Variants in AQR observed in about 807,000 individuals in gnomAD.
AQR encodes the protein aquarius intron-binding spliceosomal factor.
A neutral mutation model predicts 180.5 loss-of-function variants in AQR; 61 were observed. The ratio of observed to expected loss-of-function variants is 0.34; its 90% confidence interval spans 0.28 to 0.42. The LOEUF (loss-of-function observed/expected upper bound fraction) is 0.42. Ranked by LOEUF, AQR falls within the 10% of genes least tolerant of loss-of-function variation. The pLI is 1.00. For missense variants in AQR, 1,281 were observed against 1,798.3 expected (o/e 0.71, Z 5.20); for synonymous variants, 551 against 588.8 (o/e 0.94, Z 0.93).
intron 34 of AQR, among the ~76,000 whole-genome samples, chr15:34,858,491 G>A (rs917519621): frequency 2.6e-5 from 4 of 152,100 alleles, no homozygotes; most frequent in Non-Finnish European, 5.9e-5. Context: ...AATATGTGAA[G>A]ATGTTAATCT....
chr15:34,961,018 C>G (rs900067335), intron 2 of AQR, among the ~76,000 whole-genome samples: 1 of 151,836 alleles, frequency 6.6e-6, no homozygotes, highest in African/African-American at 2.4e-5. Context: ...GTAGAAAAAA[C>G]AAATAATAAA....
intron 17 of AQR, among the ~76,000 whole-genome samples, chr15:34,908,559 T>C (rs1168434234): frequency 6.6e-6 from 1 of 152,202 alleles, no homozygotes; most frequent in Non-Finnish European, 1.5e-5. Context: ...TAAAACACTT[T>C]TCTCTCCATC....
intron 5 of AQR, among the ~76,000 whole-genome samples, chr15:34,944,921 CCA>C (rs1894086709): frequency 6.6e-6 from 1 of 152,160 alleles, no homozygotes; most frequent in Non-Finnish European, 1.5e-5. Flanking sequence ...CTAGTTACTG[CCA>C]CAGACAAATG....
At chr15:34,886,331 CAA>C (rs952106905) in intron 25 of AQR, among the ~76,000 whole-genome samples, 193 bp downstream of exon 25, 4 of 152,082 alleles carry the variant, frequency 2.6e-5, no homozygotes, top group African/African-American at 7.2e-5. Context: ...AGTCATCAAG[CAA>C]AGTTATTTAG....
intron 13 of AQR, among the ~76,000 whole-genome samples, chr15:34,924,328 A>G (rs1370159179): frequency 6.6e-6 from 1 of 152,192 alleles, no homozygotes; most frequent in East Asian, 1.9e-4. Context: ...AGTCACAAAA[A>G]TGTAAAACAA....
intron 30 of AQR, 124 bp downstream of exon 30, chr15:34,873,704 C>G: frequency 1.4e-6 from 1 of 706,890 alleles, no homozygotes; most frequent in Non-Finnish European, 2.2e-6. Context: ...TTTTCATATG[C>G]TATGTGTAAG....
Position 34,855,621 on chromosome 15 carries a change from T to C in AQR, c.*1171A>G, listed in dbSNP as rs1892577834. 6.6e-6 allele frequency: 1 copy of C among 151,852 alleles called. No individual in the cohort carries two copies. The highest frequency in any genetic ancestry group is 1.5e-5 in the Non-Finnish European group (1 of 67,970). The allele number at this position is 151,852 out of a possible 1,614,324, so 9.4% of individuals were successfully genotyped here. A position where few individuals can be genotyped will look rare whatever the true frequency, so the allele number is the denominator to read the frequency against. ...GTCAGAAAACATTAGTCACATTCAC[T>C]GGTAATTCTACATTATAGCCTCATT... On this transcript the variant is annotated 3_prime_UTR_variant, in exon 35 of 35. Coordinates refer to ENST00000156471, the MANE Select transcript of AQR (RefSeq NM_014691.3).
At chr15:34,966,693 C>T (rs981489454) in intron 1 of AQR, among the ~76,000 whole-genome samples, 1 of 152,118 alleles carries the variant, frequency 6.6e-6, no homozygotes, top group African/African-American at 2.4e-5. Flanking sequence ...CAAATGGATA[C>T]ATAAGTGAAT....
intron 7 of AQR, 61 bp from the exon 8 acceptor site, chr15:34,941,060 A>G (rs540245424): frequency 1.7e-6 from 2 of 1,174,452 alleles, no homozygotes; most frequent in East Asian, 4.8e-5. Context: ...GATAAGGATT[A>G]GATCAACTAT....
intron 14 of AQR, among the ~76,000 whole-genome samples, chr15:34,919,090 T>C (rs1893642496): frequency 6.6e-6 from 1 of 151,806 alleles, no homozygotes; most frequent in Non-Finnish European, 1.5e-5. Flanking sequence ...AATACAAAAA[T>C]TAGCTGGGCG....
chr15:34,947,459 G>C (rs1359610124), intron 5 of AQR, among the ~76,000 whole-genome samples: 2 of 145,194 alleles, frequency 1.4e-5, no homozygotes, highest in Admixed American at 1.4e-4. Flanking sequence ...CTATTGTCCT[G>C]TGACCCTGCC....
At chr15:34,911,580 G>A (rs1893499056) in intron 16 of AQR, among the ~76,000 whole-genome samples, 1 of 152,054 alleles carries the variant, frequency 6.6e-6, no homozygotes, top group African/African-American at 2.4e-5. Flanking sequence ...TCTGTCATTT[G>A]TATGTCTTCC....
intron 25 of AQR, among the ~76,000 whole-genome samples, chr15:34,885,096 G>GA (rs1179629188): frequency 6.6e-6 from 1 of 152,154 alleles, no homozygotes; most frequent in Non-Finnish European, 1.5e-5. Context: ...TCTGGACAAA[G>GA]AAATTGCTCA....
chr15:34,887,735 A>T (rs1006710881), intron 24 of AQR, among the ~76,000 whole-genome samples: 1 of 152,230 alleles, frequency 6.6e-6, no homozygotes, highest in Non-Finnish European at 1.5e-5. Context: ...ACAAAAGAAG[A>T]AGTCATGTTC....
chr15:34,881,738 T>C (rs897372344), intron 27 of AQR, among the ~76,000 whole-genome samples: 4 of 152,220 alleles, frequency 2.6e-5, no homozygotes, highest in Admixed American at 2.0e-4. Context: ...ACTGGAATGG[T>C]TGTATGTTTA....
At chr15:34,931,331 C>T (rs1595801336) in intron 11 of AQR, among the ~76,000 whole-genome samples, 1 of 152,042 alleles carries the variant, frequency 6.6e-6, no homozygotes. Context: ...TAATCTATGG[C>T]AGATCAGATA....
intron 16 of AQR, among the ~76,000 whole-genome samples, chr15:34,912,840 C>T (rs988070877): frequency 6.6e-6 from 1 of 152,164 alleles, no homozygotes; most frequent in African/African-American, 2.4e-5. Context: ...CAAAGATAAA[C>T]TGCCTCCTAT....
intron 3 of AQR, among the ~76,000 whole-genome samples, chr15:34,956,501 A>C (rs374600111): frequency 2.0e-5 from 3 of 152,002 alleles, no homozygotes; most frequent in African/African-American, 7.2e-5. Flanking sequence ...AACTACAAAA[A>C]ATTAGCAAGG....
chr15:34,867,174 T>C (rs1451658024), intron 32 of AQR, among the ~76,000 whole-genome samples: 2 of 152,084 alleles, frequency 1.3e-5, no homozygotes, highest in African/African-American at 4.8e-5. Context: ...AGAAAACATA[T>C]TATACAATGA....
Sources: allele counts gnomAD v4.1 joint callset (sites outside exome capture counted in the v4.1 genomes callset), GRCh38; gene constraint gnomAD v4.1.1; transcripts MANE v1.5; gene names NCBI Gene and HGNC (gene_info 2026-07-23, HGNC 2026-07-21).